IRS1: variants seen among roughly 807,000 people sequenced by gnomAD.
IRS1 encodes the protein insulin receptor substrate 1.
Under a neutral mutation model 65.6 loss-of-function variants are expected in IRS1, and 34 were observed. That is an observed-to-expected ratio of 0.52 (90% confidence interval 0.39 to 0.69). IRS1 has a LOEUF of 0.69. Among genes scored for constraint, IRS1 ranks in the 30% least tolerant of loss-of-function variants. The pLI, the probability that IRS1 is intolerant of heterozygous loss-of-function variation, is 0.00. For synonymous variants in IRS1, 699 were observed against 683.5 expected (o/e 1.02, Z -0.35); for missense variants, 1,641 against 1,720.2 (o/e 0.95, Z 0.81).
intron 1 of IRS1, among the ~76,000 whole-genome samples, chr2:226,762,682 T>G (rs1349091949): frequency 6.6e-6 from 1 of 152,218 alleles, no homozygotes; most frequent in Non-Finnish European, 1.5e-5. Context: ...CCTGGCCTAC[T>G]GTAAAGCCAG....
intron 1 of IRS1, among the ~76,000 whole-genome samples, chr2:226,761,860 T>C (rs1938920799): frequency 6.6e-6 from 1 of 152,216 alleles, no homozygotes; most frequent in African/African-American, 2.4e-5. Flanking sequence ...CAGACATGGA[T>C]AACAGAGGTT....
At chr2:226,743,883 A>T (rs1026247341) in intron 1 of IRS1, among the ~76,000 whole-genome samples, 1 of 152,184 alleles carries the variant, frequency 6.6e-6, no homozygotes, top group Non-Finnish European at 1.5e-5. Flanking sequence ...CTGTTTCTAT[A>T]ATTAGACAAA....
intron 1 of IRS1, among the ~76,000 whole-genome samples, chr2:226,759,507 C>T (rs193202107): frequency 5.3e-4 from 81 of 152,308 alleles, no homozygotes; most frequent in African/African-American, 1.8e-3. Flanking sequence ...AGTCACATTC[C>T]ACAATTCTGT....
At position 226,761,588 on chromosome 2, in the gene IRS1, T is replaced by C. The variant is rs191189767; in HGVS notation, c.*22-25338A>G. On this transcript the variant is annotated intron_variant, in intron 1 of 1. Coordinates refer to ENST00000305123, the MANE Select transcript of IRS1 (RefSeq NM_005544.3). ...CACTTATAGTGACAGTTTTGTTTCTTATCAAACTTTAAATCGAATAAAAGC... is the reference window on the plus strand; with the variant it reads ...CACTTATAGTGACAGTTTTGTTTCTCATCAAACTTTAAATCGAATAAAAGC... 4.3e-3 allele frequency among the ~76,000 whole-genome samples: 656 copies of C among 152,300 alleles called. 3 individuals carry two copies. The highest frequency in any genetic ancestry group is 0.015 in the African/African-American group (628 of 41,566).
intron 1 of IRS1, among the ~76,000 whole-genome samples, chr2:226,767,800 T>G (rs1407635257): frequency 6.6e-6 from 1 of 152,174 alleles, no homozygotes; most frequent in Non-Finnish European, 1.5e-5. Context: ...GTTCATTATC[T>G]AAGAGGTCTC....
chr2:226,746,408 T>C (rs540716922), intron 1 of IRS1, among the ~76,000 whole-genome samples: 101 of 152,222 alleles, frequency 6.6e-4, no homozygotes, highest in Non-Finnish European at 8.5e-4. Flanking sequence ...TTGAGTAACT[T>C]GATGAAAAAT....
chr2:226,738,542 A>C (rs1380892095), intron 1 of IRS1, among the ~76,000 whole-genome samples: 5 of 152,218 alleles, frequency 3.3e-5, no homozygotes, highest in Non-Finnish European at 7.3e-5. Flanking sequence ...AACAAACAAA[A>C]AAGGAAGCAT....
intron 1 of IRS1, among the ~76,000 whole-genome samples, chr2:226,745,788 C>T (rs1938529737): frequency 6.6e-6 from 1 of 152,168 alleles, no homozygotes; most frequent in African/African-American, 2.4e-5. Context: ...CAGCCAAAAA[C>T]ACTGTGGTGG....
intron 1 of IRS1, among the ~76,000 whole-genome samples, chr2:226,759,932 TG>T (rs1938880977): frequency 6.6e-6 from 1 of 152,210 alleles, no homozygotes; most frequent in Non-Finnish European, 1.5e-5. Flanking sequence ...CCCAACGTTT[TG>T]GGAGTGCGAG....
intron 1 of IRS1, among the ~76,000 whole-genome samples, chr2:226,786,655 AAAC>A (rs1005844273): frequency 2.0e-5 from 3 of 151,162 alleles, no homozygotes; most frequent in Non-Finnish European, 2.9e-5. Context: ...AAAAAAACAA[AAAC>A]AACAACAACA....
chr2:226,783,175 C>A (rs1360409439), intron 1 of IRS1, among the ~76,000 whole-genome samples: 3 of 152,186 alleles, frequency 2.0e-5, no homozygotes, highest in African/African-American at 7.2e-5. Context: ...TTTCAGCCTT[C>A]ACTCAACTAA....
rs1440355152 is a variant in IRS1, at chr2:226,796,625, C to T, written c.2114G>A (p.Gly705Asp). ...YGKLWTNGVGGHHSHVLPHPK... is the reference protein window; with the variant it reads ...YGKLWTNGVGDHHSHVLPHPK... ...GTGAGGCAAGACATGAGAGTGGTGG[C>T]CCCCTACCCCGTTTGTCCACAGCTT... Residue 705 changes from glycine to aspartate, a missense_variant, in exon 1 of 2, where the codon GGC (glycine) becomes GAC (aspartate). Gly to Asp is a moderately conservative substitution (Grantham distance 94, BLOSUM62 -1). Transcript: ENST00000305123. 2 of 1,613,826 alleles carry T rather than the reference C, an allele frequency of 1.2e-6. No individual in the cohort carries two copies. The highest frequency in any genetic ancestry group is 1.3e-5 in the African/African-American group (1 of 74,906).
chr2:226,792,930 A>G (rs1220813238), intron 1 of IRS1, among the ~76,000 whole-genome samples: 2 of 152,246 alleles, frequency 1.3e-5, no homozygotes, highest in Non-Finnish European at 2.9e-5. Flanking sequence ...TTTAAACACC[A>G]ACACAAACAT....
chr2:226,763,946 G>A (rs1244389522), intron 1 of IRS1, among the ~76,000 whole-genome samples: 3 of 151,970 alleles, frequency 2.0e-5, no homozygotes, highest in Non-Finnish European at 4.4e-5. Context: ...AGTAATCAGA[G>A]CTTCCAAACT....
chr2:226,761,197 A>G (rs1938908243), intron 1 of IRS1, among the ~76,000 whole-genome samples: 1 of 152,230 alleles, frequency 6.6e-6, no homozygotes, highest in Non-Finnish European at 1.5e-5. Context: ...ATATGACTAT[A>G]TAGACAACTC....
intron 1 of IRS1, among the ~76,000 whole-genome samples, chr2:226,774,172 T>C (rs1261938878): frequency 6.6e-6 from 1 of 152,230 alleles, no homozygotes; most frequent in African/African-American, 2.4e-5. Flanking sequence ...GAGTCCGTTA[T>C]AGTAAGAAAG....
At chr2:226,752,340 C>T (rs1444624562) in intron 1 of IRS1, among the ~76,000 whole-genome samples, 2 of 152,164 alleles carry the variant, frequency 1.3e-5, no homozygotes, top group African/African-American at 2.4e-5. Context: ...GCAAACTGGT[C>T]CCCAATTCCT....
chr2:226,792,599 TCTC>T (rs1296389985), intron 1 of IRS1, among the ~76,000 whole-genome samples: 2 of 152,086 alleles, frequency 1.3e-5, no homozygotes, highest in African/African-American at 2.4e-5. Context: ...TCACAAGTGT[TCTC>T]CTCTTAACAG....
rs1334984491 is a variant in IRS1, at chr2:226,797,072, G to A, written c.1667C>T (p.Pro556Leu). The change falls in exon 1 of 2, where the codon CCT becomes CTT. Residue 556 changes from proline (P) to leucine (L), a missense_variant. Pro to Leu is a moderately conservative substitution (Grantham distance 98, BLOSUM62 -3). Coordinates refer to ENST00000305123, the MANE Select transcript of IRS1 (RefSeq NM_005544.3). This position sits in a 1 kb window ranked among gnomAD's most constrained non-coding sequence, Gnocchi z 8.1. Reference sequence around the variant, plus strand: ...ACTGCCACCTCCTGGTGGGTAGGCAGGCATCATCTCTGTGTACTCCTCAAT... The same window carrying A: ...ACTGCCACCTCCTGGTGGGTAGGCAAGCATCATCTCTGTGTACTCCTCAAT... ...ASIEEYTEMMPAYPPGGGSGG... is the reference protein window; with the variant it reads ...ASIEEYTEMMLAYPPGGGSGG... 6.2e-7 allele frequency: 1 copy of A among 1,612,790 alleles called. No individual in the cohort carries two copies. The highest frequency in any genetic ancestry group is 2.2e-5 in the East Asian group (1 of 44,862).
Sources: allele counts gnomAD v4.1 joint callset (sites outside exome capture counted in the v4.1 genomes callset), GRCh38; gene constraint gnomAD v4.1.1; non-coding constraint Gnocchi (gnomAD v3.1); transcripts MANE v1.5; gene names NCBI Gene and HGNC (gene_info 2026-07-23, HGNC 2026-07-21).